The following GGH variants were observed in gnomAD, a reference collection of about 807,000 sequenced individuals.
The protein encoded by GGH is gamma-glutamyl hydrolase, also known as gamma-Glu-X carboxypeptidase.
Under a neutral mutation model 39.2 loss-of-function variants are expected in GGH, and 18 were observed. The observed-to-expected ratio is 0.46, with a 90% CI of 0.32 to 0.68. The LOEUF (loss-of-function observed/expected upper bound fraction) is 0.68. GGH is among the 30% of genes least tolerant of loss of function. The pLI, the probability that GGH is intolerant of heterozygous loss-of-function variation, is 0.04. For synonymous variants in GGH, 147 were observed against 138.8 expected, an observed-to-expected ratio of 1.06 and a Z score of -0.42; for missense variants, 367 against 384.1, an observed-to-expected ratio of 0.96 and a Z score of 0.37.
At chr8:63,033,273 T>G (rs1804839099) in intron 2 of GGH, among the ~76,000 whole-genome samples, 1 of 152,212 alleles carries the variant, frequency 6.6e-6, no homozygotes, top group Non-Finnish European at 1.5e-5. Flanking sequence ...CTGGGGTTCA[T>G]TCTTGGAATT....
At chr8:63,036,927 C>T (rs950703236) in intron 1 of GGH, among the ~76,000 whole-genome samples, 14 of 152,282 alleles carry the variant, frequency 9.2e-5, no homozygotes, top group South Asian at 6.2e-4. Context: ...GACCCGTATG[C>T]TCTGCCCCAC....
intron 7 of GGH, among the ~76,000 whole-genome samples, chr8:63,021,521 G>A (rs751686762): frequency 6.6e-6 from 1 of 152,010 alleles, no homozygotes; most frequent in African/African-American, 2.4e-5. Flanking sequence ...TCTTAATTTC[G>A]CCAATCTGAT....
In GGH at chr8:63,015,465, A is replaced by G. The variant is rs1355800457; in HGVS notation, c.836-12T>C. 5 of 1,510,150 alleles carry G rather than the reference A, an allele frequency of 3.3e-6. No homozygotes were observed. The African/African-American group carries it at 5.6e-5, about 17-fold the overall frequency. The allele number at this position is 1,510,150 out of a possible 1,614,324, so 93.5% of individuals were successfully genotyped here. On this transcript the variant is annotated splice_polypyrimidine_tract_variant and intron_variant, in intron 8 of 8. Transcript: ENST00000260118. ...GTTGTTTTTCCGAGCTGCAAGAAAAAAAGTTAATTTTTAAAAAGATCAGAT... is the reference window on the plus strand; with the variant it reads ...GTTGTTTTTCCGAGCTGCAAGAAAAGAAGTTAATTTTTAAAAAGATCAGAT...
intron 2 of GGH, among the ~76,000 whole-genome samples, chr8:63,035,222 T>C (rs1804883144): frequency 6.6e-6 from 1 of 152,138 alleles, no homozygotes; most frequent in African/African-American, 2.4e-5. Context: ...CTAAGCAACA[T>C]GTTTGTGTCA....
intron 2 of GGH, among the ~76,000 whole-genome samples, chr8:63,031,715 C>T (rs1341641337): frequency 6.6e-6 from 1 of 152,198 alleles, no homozygotes; most frequent in Non-Finnish European, 1.5e-5. Context: ...CTAATTGTCA[C>T]AGGGGAAGGA....
chr8:63,038,334 T>A (rs1450416702), intron 1 of GGH, among the ~76,000 whole-genome samples: 1 of 152,238 alleles, frequency 6.6e-6, no homozygotes, highest in South Asian at 2.1e-4. Context: ...TTCCCAACTA[T>A]GTGCGAAAAG....
chr8:63,022,815 C>CA (rs1804617621), intron 7 of GGH, among the ~76,000 whole-genome samples: 1 of 152,148 alleles, frequency 6.6e-6, no homozygotes, highest in African/African-American at 2.4e-5. Context: ...TGAGCCACCA[C>CA]ACCTGGCCTC....
chr8:63,020,092 A>C (rs1804560583), intron 7 of GGH, among the ~76,000 whole-genome samples: 1 of 152,184 alleles, frequency 6.6e-6, no homozygotes, highest in Admixed American at 6.5e-5. Context: ...AAACTTTTTG[A>C]AGTCACTGAC....
Position 63,026,415 on chromosome 8 carries a change from C to T in GGH, c.361-119G>A, listed in dbSNP as rs940315896. On this transcript the variant is annotated intron_variant, in intron 4 of 8. Transcript: ENST00000260118. ...GTTACACATGGATTTCTGAAGAATTCTCCAGGATCCATAAGTAGGCTATCA... is the reference window on the plus strand; with the variant it reads ...GTTACACATGGATTTCTGAAGAATTTTCCAGGATCCATAAGTAGGCTATCA... The T allele has an allele frequency of 1.1e-4, 81 of 730,872 alleles. 1 individual carries two copies. Among genetic ancestry groups the T allele is most frequent in the Admixed American group, 4.5e-4 (16 of 35,452 alleles). The allele number at this position is 730,872 out of a possible 1,614,324, so 45.3% of individuals were successfully genotyped here. A position where few individuals can be genotyped will look rare whatever the true frequency, so the allele number is the denominator to read the frequency against.
intron 7 of GGH, among the ~76,000 whole-genome samples, chr8:63,020,916 G>A (rs551170141): frequency 6.6e-6 from 1 of 152,272 alleles, no homozygotes; most frequent in Admixed American, 6.5e-5. Flanking sequence ...GCCTTAAGAG[G>A]CTGCTGCTGC....
intron 8 of GGH, among the ~76,000 whole-genome samples, chr8:63,016,925 T>G (rs72658345): frequency 0.023 from 3,575 of 152,318 alleles, 57 homozygotes; most frequent in South Asian, 0.032. Flanking sequence ...ATATTCAATT[T>G]GTATCACTGT....
chr8:63,028,525 G>C lies in GGH; in HGVS notation c.276-1260C>G, dbSNP rs539524600. 2.2e-3 allele frequency: 330 copies of C among 152,104 alleles called. 1 individual carries two copies. Among genetic ancestry groups the C allele is most frequent in the African/African-American group, 7.5e-3 (313 of 41,458 alleles). 9.4% of individuals were successfully genotyped at this position (152,104 alleles called of 1,614,324 possible). ...GCATTCCCCTGCAAAATACTATGGGGTCCACTGCATAACAGTGACTCAATA... is the reference window on the plus strand; with the variant it reads ...GCATTCCCCTGCAAAATACTATGGGCTCCACTGCATAACAGTGACTCAATA... On this transcript the variant is annotated intron_variant, in intron 3 of 8. Coordinates refer to ENST00000260118, the MANE Select transcript of GGH (RefSeq NM_003878.3).
chr8:63,017,095 G>C (rs747843570), intron 8 of GGH, among the ~76,000 whole-genome samples: 2 of 152,128 alleles, frequency 1.3e-5, no homozygotes, highest in Non-Finnish European at 2.9e-5. Context: ...GGATGCCGAG[G>C]CAGGAGGATC....
chr8:63,038,745 C>A lies in GGH; in HGVS notation c.24G>T (p.Leu8=). 1 of 1,578,058 alleles carries A rather than the reference C, an allele frequency of 6.3e-7. No individual in the cohort carries two copies. Among genetic ancestry groups the A allele is most frequent in the African/African-American group, 1.4e-5 (1 of 72,844 alleles). ...CGCAGAGTAGCAGGCCCAGCACGCACAGCAGGCAGCCCGGACTGGCCATGG... is the reference window on the plus strand; with the variant it reads ...CGCAGAGTAGCAGGCCCAGCACGCAAAGCAGGCAGCCCGGACTGGCCATGG... MASPGCL[L]CVLGLLLCGA... is the part of the protein sequence containing the mutation. Residue 8 remains leucine (L), a synonymous_variant, in exon 1 of 9, where the codon CTG becomes CTT. Coordinates refer to ENST00000260118, the MANE Select transcript of GGH (RefSeq NM_003878.3).
At chr8:63,031,932 AG>A (rs1229218559) in intron 2 of GGH, among the ~76,000 whole-genome samples, 2 of 152,234 alleles carry the variant, frequency 1.3e-5, no homozygotes, top group African/African-American at 4.8e-5. Context: ...AAGGATGGTA[AG>A]GCATTGTTGC....
intron 2 of GGH, 101 bp downstream of exon 2, chr8:63,035,555 T>C: frequency 6.8e-7 from 1 of 1,474,832 alleles, no homozygotes; most frequent in Non-Finnish European, 9.0e-7. Context: ...TCCACCCGCC[T>C]TGGCCTCCCA....
At chr8:63,022,662 A>G (rs1234262144) in intron 7 of GGH, among the ~76,000 whole-genome samples, 4 of 150,584 alleles carry the variant, frequency 2.7e-5, no homozygotes, top group African/African-American at 9.7e-5. Flanking sequence ...CTACAGGCAC[A>G]TGCCACCATG....
intron 7 of GGH, among the ~76,000 whole-genome samples, chr8:63,020,071 A>G (rs546832530): frequency 6.6e-6 from 1 of 152,178 alleles, no homozygotes; most frequent in African/African-American, 2.4e-5. Flanking sequence ...TTTTAATTCC[A>G]TTTTTCCCAC....
chr8:63,031,400 T>C (rs543459620), intron 2 of GGH, among the ~76,000 whole-genome samples: 25 of 152,256 alleles, frequency 1.6e-4, no homozygotes, highest in Middle Eastern at 3.4e-3. Context: ...CCTTGGGAAG[T>C]GATAGGGAGG....
Sources: gnomAD v4.1 joint callset for allele counts (sites outside exome capture counted in the v4.1 genomes callset) on GRCh38, gnomAD v4.1.1 for gene constraint, MANE v1.5 for transcripts, NCBI Gene and HGNC (gene_info 2026-07-23, HGNC 2026-07-21) for gene names.